The following XKR9 variants were observed in gnomAD, a reference collection of about 807,000 sequenced individuals.
XKR9 encodes XK related 9.
A neutral mutation model predicts 32.0 loss-of-function variants in XKR9; 32 were observed. The observed-to-expected ratio is 1.00, with a 90% CI of 0.76 to 1.34. The LOEUF is 1.34. XKR9 is among the 40% of genes most tolerant of loss of function. The pLI is 0.00. For missense variants in XKR9, 546 were observed against 429.7 expected (o/e 1.27, Z -2.39); for synonymous variants, 168 against 143.4 (o/e 1.17, Z -1.22).
the XKR9 span, among the ~76,000 whole-genome samples, chr8:70,922,466 T>G: frequency 5.3e-5 from 8 of 152,238 alleles, no homozygotes; most frequent in African/African-American, 1.9e-4. Flanking sequence ...ATTATGATGG[T>G]GACATTTTTC....
At chr8:70,818,810 T>C in the XKR9 span, among the ~76,000 whole-genome samples, 1 of 152,226 alleles carries the variant, frequency 6.6e-6, no homozygotes, top group Non-Finnish European at 1.5e-5. Flanking sequence ...GGTTACACAC[T>C]GGCCTATTTA....
chr8:70,670,285 G>C (rs1008690074), intron 1 of XKR9, among the ~76,000 whole-genome samples: 25 of 152,126 alleles, frequency 1.6e-4, no homozygotes, highest in African/African-American at 5.6e-4. Flanking sequence ...GAGCCGTTTT[G>C]TGCCCAAGAT....
the XKR9 span, among the ~76,000 whole-genome samples, chr8:70,815,853 G>A: frequency 1.3e-5 from 2 of 151,944 alleles, no homozygotes; most frequent in African/African-American, 4.8e-5. Context: ...TTTTTATTCT[G>A]TGGTATATGC....
chr8:70,916,342 AG>A, the XKR9 span, among the ~76,000 whole-genome samples: 1 of 152,188 alleles, frequency 6.6e-6, no homozygotes, highest in Non-Finnish European at 1.5e-5. Flanking sequence ...TTAGAGGGCA[AG>A]GGGTAAGTTT....
chr8:70,669,885 C>T (rs1010772114), intron 1 of XKR9, among the ~76,000 whole-genome samples: 2 of 152,028 alleles, frequency 1.3e-5, no homozygotes, highest in Non-Finnish European at 2.9e-5. Flanking sequence ...CCAGGAAGGT[C>T]TTGATCTCCT....
the XKR9 span, among the ~76,000 whole-genome samples, chr8:70,879,809 A>C: frequency 1.3e-5 from 2 of 152,226 alleles, no homozygotes; most frequent in Non-Finnish European, 2.9e-5. Context: ...AAAGCCTGGC[A>C]GAGACACAGC....
At chr8:71,027,862 C>A in the XKR9 span, among the ~76,000 whole-genome samples, 3 of 151,774 alleles carry the variant, frequency 2.0e-5, no homozygotes, top group African/African-American at 4.8e-5. Context: ...ACAACCTTCC[C>A]CTGGGGTCAA....
chr8:70,851,629 C>T, the XKR9 span, among the ~76,000 whole-genome samples: 3 of 152,108 alleles, frequency 2.0e-5, no homozygotes, highest in Non-Finnish European at 4.4e-5. Context: ...AAAAACACAA[C>T]ACATCTACAA....
chr8:70,811,768 A>G, the XKR9 span, among the ~76,000 whole-genome samples: 1 of 152,200 alleles, frequency 6.6e-6, no homozygotes, highest in South Asian at 2.1e-4. Flanking sequence ...GAATAGACCA[A>G]TAACAGGATC....
At chr8:70,946,826 C>T in the XKR9 span, among the ~76,000 whole-genome samples, 1 of 152,178 alleles carries the variant, frequency 6.6e-6, no homozygotes, top group Non-Finnish European at 1.5e-5. Flanking sequence ...ATGAAATTCA[C>T]ATTCACAACT....
the XKR9 span, among the ~76,000 whole-genome samples, chr8:70,888,341 A>G: frequency 1.3e-5 from 2 of 149,994 alleles, no homozygotes; most frequent in African/African-American, 2.5e-5. Flanking sequence ...TTCCTTTTAT[A>G]TTTTGGATAT....
chr8:71,010,252 T>TAAGG, the XKR9 span, among the ~76,000 whole-genome samples: 3 of 152,216 alleles, frequency 2.0e-5, no homozygotes, highest in Non-Finnish European at 4.4e-5. Context: ...TTCCCCTGAA[T>TAAGG]AAGGCCAAGG....
At chr8:70,877,019 T>G in the XKR9 span, among the ~76,000 whole-genome samples, 1 of 152,154 alleles carries the variant, frequency 6.6e-6, no homozygotes, top group South Asian at 2.1e-4. Context: ...TACCCAAGAC[T>G]GGGTAATTTA....
At chr8:71,047,780 T>C in the XKR9 span, among the ~76,000 whole-genome samples, 1 of 152,224 alleles carries the variant, frequency 6.6e-6, no homozygotes, top group African/African-American at 2.4e-5. Flanking sequence ...GCTCAATAAA[T>C]GTGTGCGAGT....
the XKR9 span, among the ~76,000 whole-genome samples, chr8:71,002,158 A>C: frequency 2.6e-5 from 4 of 152,086 alleles, no homozygotes; most frequent in African/African-American, 9.7e-5. Context: ...GGCCATTGTG[A>C]TACCATATAA....
chr8:71,052,212 G>T, the XKR9 span, among the ~76,000 whole-genome samples: 1 of 152,200 alleles, frequency 6.6e-6, no homozygotes, highest in African/African-American at 2.4e-5. Flanking sequence ...TCAATACAAT[G>T]ATTGTTGTTA....
chr8:70,686,056 A>G (rs1819265996), intron 3 of XKR9, among the ~76,000 whole-genome samples: 1 of 151,714 alleles, frequency 6.6e-6, no homozygotes, highest in Non-Finnish European at 1.5e-5. Context: ...TTTTCTTTGA[A>G]GAATCTATTT....
At chr8:71,034,960 G>A in the XKR9 span, among the ~76,000 whole-genome samples, 2 of 152,092 alleles carry the variant, frequency 1.3e-5, no homozygotes, top group Non-Finnish European at 2.9e-5. Context: ...CTAGCACATA[G>A]CAGTTCTCAA....
chr8:70,813,530 G>A, the XKR9 span, among the ~76,000 whole-genome samples: 11 of 152,066 alleles, frequency 7.2e-5, no homozygotes, highest in Non-Finnish European at 1.3e-4. Context: ...GAAAATTTTT[G>A]CAACCTACTC....
Sources: allele counts gnomAD v4.1 joint callset (sites outside exome capture counted in the v4.1 genomes callset), GRCh38; gene constraint gnomAD v4.1.1; transcripts MANE v1.5; gene names NCBI Gene and HGNC (gene_info 2026-07-23, HGNC 2026-07-21).